The following STARD6 variants were observed in gnomAD, a reference collection of about 807,000 sequenced individuals.
The protein encoded by STARD6 is StAR related lipid transfer domain containing 6.
In STARD6, 21 loss-of-function variants were observed where a neutral mutation model predicts 22.3. That is an observed-to-expected ratio of 0.94 (90% confidence interval 0.67 to 1.35). The LOEUF (loss-of-function observed/expected upper bound fraction) is 1.35. Ranked by LOEUF, STARD6 falls within the 40% of genes most tolerant of loss-of-function variation. The pLI is 0.00. For synonymous variants in STARD6, 80 were observed against 88.1 expected (o/e 0.91, Z 0.52); for missense variants, 269 against 266.9 (o/e 1.01, Z -0.05).
chr18:54,340,617 T>C (rs2088961012), intron 4 of STARD6, among the ~76,000 whole-genome samples: 1 of 152,076 alleles, frequency 6.6e-6, no homozygotes, highest in Admixed American at 6.5e-5. Context: ...CAGACATAAA[T>C]ACAACCATAT....
At chr18:54,337,473 A>G (rs1454160305) in intron 4 of STARD6, among the ~76,000 whole-genome samples, 2 of 152,240 alleles carry the variant, frequency 1.3e-5, no homozygotes, top group African/African-American at 4.8e-5. Context: ...TCATTTTTCT[A>G]TAAGTAGGCT....
chr18:54,352,455 C>T (rs2089106801), intron 4 of STARD6, among the ~76,000 whole-genome samples: 1 of 152,158 alleles, frequency 6.6e-6, no homozygotes, highest in Non-Finnish European at 1.5e-5. Context: ...GGAGCATAGC[C>T]TCCTTCAGTT....
chr18:54,352,714 G>A (rs1568174942), intron 4 of STARD6, among the ~76,000 whole-genome samples: 1 of 152,184 alleles, frequency 6.6e-6, no homozygotes, highest in Non-Finnish European at 1.5e-5. Context: ...TTGCATGTAA[G>A]AGTAAAATAT....
At chr18:54,338,294 C>G (rs2088935478) in intron 4 of STARD6, among the ~76,000 whole-genome samples, 1 of 152,194 alleles carries the variant, frequency 6.6e-6, no homozygotes, top group South Asian at 2.1e-4. Flanking sequence ...CTACCAGTCC[C>G]TGGCTAAATC....
chr18:54,351,899 GT>G (rs60888927), intron 4 of STARD6, among the ~76,000 whole-genome samples: 1,784 of 70,624 alleles, frequency 0.025, 50 homozygotes, highest in African/African-American at 0.09. Context: ...ATATTGGTCC[GT>G]TTTTTTTTTT....
At chr18:54,347,514 GTAC>G (rs1568173166) in intron 4 of STARD6, among the ~76,000 whole-genome samples, 1 of 152,004 alleles carries the variant, frequency 6.6e-6, no homozygotes, top group African/African-American at 2.4e-5. Context: ...TTTAAAAATA[GTAC>G]TACAATATTC....
rs755432020 is a variant in STARD6, at chr18:54,337,030, A to G, written c.267+95T>C. ...TCAAGTCAATTTGAAACTATAAAAT[A>G]CTGTGTCTACATAACATAGTTTTAA... On this transcript the variant is annotated intron_variant, in intron 5 of 7. Transcript: ENST00000307844. 1.7e-5 allele frequency: 19 copies of G among 1,127,560 alleles called. 1 individual carries two copies. The South Asian group carries it at 4.2e-4, about 25-fold the overall frequency. The allele number at this position is 1,127,560 out of a possible 1,614,324, so 69.8% of individuals were successfully genotyped here.
rs1352942988 is a variant in STARD6 at position 54,337,130 on chromosome 18, C to T, written c.262G>A (p.Asp88Asn). 1.2e-6 allele frequency: 2 copies of T among 1,607,170 alleles called. No homozygotes were observed. Among genetic ancestry groups the T allele is most frequent in the South Asian group, 2.2e-5 (2 of 89,628 alleles). Residue 88 changes from aspartate to asparagine, a missense_variant, in exon 5 of 8, where the codon GAT becomes AAT. By Grantham distance (23) the Asp-to-Asn change is conservative. Transcript: ENST00000307844. ...LQVYNMVHRI[D>N]SDTFICHTIT... ...AGTATTAAACAACAAATTACCGAAT[C>T]AATCCTGTGTACCATATTATACACT...
intron 4 of STARD6, among the ~76,000 whole-genome samples, chr18:54,349,435 G>A (rs1271312721): frequency 6.6e-6 from 1 of 152,178 alleles, no homozygotes; most frequent in Non-Finnish European, 1.5e-5. Context: ...ACAATGAAGA[G>A]AAGTGGTCAG....
intron 5 of STARD6, among the ~76,000 whole-genome samples, chr18:54,332,678 T>G (rs2088874887): frequency 6.6e-6 from 1 of 152,200 alleles, no homozygotes; most frequent in Admixed American, 6.5e-5. Flanking sequence ...GTATTATGTG[T>G]TTGGCCATCC....
intron 4 of STARD6, among the ~76,000 whole-genome samples, chr18:54,337,522 G>T (rs1258188853): frequency 1.3e-5 from 2 of 152,184 alleles, no homozygotes; most frequent in Non-Finnish European, 2.9e-5. Flanking sequence ...AACTTATAAT[G>T]GGATTTTTGA....
intron 7 of STARD6, among the ~76,000 whole-genome samples, chr18:54,325,084 T>A (rs1347901528): frequency 6.6e-6 from 1 of 152,108 alleles, no homozygotes; most frequent in Non-Finnish European, 1.5e-5. Context: ...CTTTAAAAAA[T>A]TCTAACAGTA....
At chr18:54,329,226 T>A (rs1235320978) in intron 7 of STARD6, 121 bp downstream of exon 7, 5 of 730,082 alleles carry the variant, frequency 6.8e-6, no homozygotes, top group East Asian at 5.9e-5. Flanking sequence ...TTAGGGGAAG[T>A]TTTTTTCCCG....
intron 4 of STARD6, among the ~76,000 whole-genome samples, chr18:54,341,261 G>A (rs1238609802): frequency 2.0e-5 from 3 of 152,078 alleles, no homozygotes; most frequent in African/African-American, 2.4e-5. Flanking sequence ...GGGTTTCACC[G>A]TGTTAGCCAG....
At chr18:54,342,504 G>A (rs2088981571) in intron 4 of STARD6, among the ~76,000 whole-genome samples, 1 of 124,720 alleles carries the variant, frequency 8.0e-6, no homozygotes, top group African/African-American at 3.5e-5. Context: ...TCTCCCCACG[G>A]TCTCCCTCTC....
intron 7 of STARD6, 103 bp downstream of exon 7, chr18:54,329,244 A>G (rs1387766744): frequency 1.4e-5 from 12 of 868,094 alleles, no homozygotes; most frequent in Non-Finnish European, 2.1e-5. Context: ...CCGCAACAGA[A>G]TATGCTGCTA....
chr18:54,332,844 A>G (rs927127344), intron 5 of STARD6, among the ~76,000 whole-genome samples: 1 of 152,154 alleles, frequency 6.6e-6, no homozygotes, highest in Non-Finnish European at 1.5e-5. Flanking sequence ...GTTTGAGGCT[A>G]GAGTGAGCTT....
At chr18:54,346,784 A>T (rs2089040668) in intron 4 of STARD6, among the ~76,000 whole-genome samples, 1 of 152,126 alleles carries the variant, frequency 6.6e-6, no homozygotes, top group African/African-American at 2.4e-5. Context: ...TGATAAAAGA[A>T]TTTGTGAAAG....
intron 4 of STARD6, among the ~76,000 whole-genome samples, chr18:54,350,703 C>T (rs1396865896): frequency 3.3e-5 from 5 of 152,160 alleles, no homozygotes; most frequent in African/African-American, 9.7e-5. Context: ...CTACATGTAG[C>T]TTGCCAATTA....
Sources: gnomAD v4.1 joint callset for allele counts (sites outside exome capture counted in the v4.1 genomes callset) on GRCh38, gnomAD v4.1.1 for gene constraint, MANE v1.5 for transcripts, NCBI Gene and HGNC (gene_info 2026-07-23, HGNC 2026-07-21) for gene names.